The following SNAP47 variants were observed in gnomAD, a reference collection of about 807,000 sequenced individuals.
The protein encoded by SNAP47 is synaptosome associated protein 47.
SNAP47 carries 20 observed loss-of-function variants against 31.4 expected under a neutral mutation model. The ratio of observed to expected loss-of-function variants is 0.64; its 90% CI spans 0.45 to 0.93. The LOEUF (loss-of-function observed/expected upper bound fraction) is 0.93, where lower values mean the gene tolerates loss of function less well. Among genes scored for constraint, SNAP47 ranks in the 40% least tolerant of loss-of-function variants. The probability of loss-of-function intolerance (pLI) is 0.00; values close to 1 mark genes in which losing one functional copy is unlikely to be tolerated. For missense variants in SNAP47, 492 were observed against 528.5 expected (o/e 0.93, Z 0.68); for synonymous variants, 194 against 213.4 (o/e 0.91, Z 0.79).
intron 1 of SNAP47, among the ~76,000 whole-genome samples, chr1:227,737,790 G>A (rs893329844): frequency 2.0e-5 from 3 of 151,640 alleles, no homozygotes; most frequent in African/African-American, 7.3e-5. Flanking sequence ...TGAGGGCAGG[G>A]ACAGGAGGCG....
upstream of SNAP47, among the ~76,000 whole-genome samples, chr1:227,730,013 G>C (rs1481030205): frequency 6.6e-6 from 1 of 152,240 alleles, no homozygotes. Flanking sequence ...ACACTTGCAA[G>C]TATATCCATC....
At chr1:227,774,382 G>A (rs1459397370) in intron 4 of SNAP47, among the ~76,000 whole-genome samples, 1 of 151,788 alleles carries the variant, frequency 6.6e-6, no homozygotes, top group African/African-American at 2.4e-5. Flanking sequence ...GGATGAAAGA[G>A]CAATGCCGGA....
chr1:227,776,231 A>G (rs975645984), intron 4 of SNAP47: 308 of 1,071,420 alleles, frequency 2.9e-4, no homozygotes, highest in Non-Finnish European at 3.3e-4. Context: ...TCTCTTAGGA[A>G]CACTTCTATC....
Position 227,767,007 on chromosome 1 carries a change from A to G in SNAP47, c.1037A>G (p.Asp346Gly), listed in dbSNP as rs757167709. 2.5e-6 allele frequency: 4 copies of G among 1,613,862 alleles called. No individual in the cohort carries two copies. The African/African-American group carries it at 5.3e-5, about 22-fold the overall frequency. The change falls in exon 4 of 5, where the codon GAC becomes GGC. Residue 346 changes from aspartate (D) to glycine (G), a missense_variant. Asp to Gly is a moderately conservative substitution (Grantham distance 94, BLOSUM62 -1). Transcript: ENST00000617596. ...RTLHREPPAG[D>G]QEGTALHLQT... ...CTGCACCGTGAGCCACCCGCAGGAG[A>G]CCAGGAGGGCACAGCACTGCACCTG...
At chr1:227,734,060 G>A (rs1263261933), upstream of SNAP47, 3 of 1,606,054 alleles carry the variant, frequency 1.9e-6, no homozygotes, top group Non-Finnish European at 2.5e-6. Context: ...GGGCACCACC[G>A]ACAGCACGTG....
upstream of SNAP47, chr1:227,735,275 C>T (rs1011545160): frequency 1.9e-6 from 3 of 1,606,326 alleles, no homozygotes; most frequent in African/African-American, 1.3e-5. Context: ...GCGGTCCATC[C>T]AGCTCAGCAC....
At chr1:227,734,226 G>T, upstream of SNAP47, 2 of 619,604 alleles carry the variant, frequency 3.2e-6, 1 homozygote, top group South Asian at 4.1e-5. Flanking sequence ...GACTACAATG[G>T]TTCTGCTTAT....
chr1:227,763,053 C>T lies in SNAP47; in HGVS notation c.988+3568C>T, dbSNP rs1300055652. On this transcript the variant is annotated intron_variant, in intron 3 of 4. Transcript: ENST00000617596. This position sits in a 1 kb window ranked among gnomAD's most constrained non-coding sequence, Gnocchi z 4.2. ...CTCACTGTAACTTCAATCTCCTGGG[C>T]CCAAGACATCCTCCTGCCTTGGCCT... Among the ~76,000 whole-genome samples the T allele has an allele frequency of 6.6e-6, 1 of 152,058 alleles. No individual in the cohort carries two copies. The highest frequency in any genetic ancestry group is 1.5e-5 in the Non-Finnish European group (1 of 68,012).
chr1:227,740,007 G>C (rs1453903892), intron 1 of SNAP47, among the ~76,000 whole-genome samples: 1 of 152,268 alleles, frequency 6.6e-6, no homozygotes, highest in Non-Finnish European at 1.5e-5. Context: ...TGTGGTTGTG[G>C]TCAACTCAGC....
At chr1:227,732,568 C>A, upstream of SNAP47, 1 of 1,613,506 alleles carries the variant, frequency 6.2e-7, no homozygotes, top group South Asian at 1.1e-5. Context: ...AACCCAGCAC[C>A]GTCCTCAGCG....
upstream of SNAP47, chr1:227,732,690 A>T (rs1414401743): frequency 6.2e-7 from 1 of 1,611,160 alleles, no homozygotes; most frequent in Admixed American, 1.7e-5. Flanking sequence ...GGCAGAGGGA[A>T]GAGGCCAGTG....
chr1:227,760,664 C>A (rs1663002979), intron 3 of SNAP47, among the ~76,000 whole-genome samples: 1 of 152,208 alleles, frequency 6.6e-6, no homozygotes, highest in Non-Finnish European at 1.5e-5. Context: ...TTATTCTTGC[C>A]TTTACCCTTT....
At chr1:227,765,908 G>A (rs1663365036) in intron 3 of SNAP47, among the ~76,000 whole-genome samples, 1 of 152,160 alleles carries the variant, frequency 6.6e-6, no homozygotes, top group South Asian at 2.1e-4. Flanking sequence ...TGGCGGGGGT[G>A]GCATCTTGGA....
In SNAP47 at chr1:227,740,413, T is replaced by C. The variant is rs1194026932; in HGVS notation, c.-46+4914T>C. 5.3e-5 allele frequency among the ~76,000 whole-genome samples: 8 copies of C among 152,150 alleles called. No individual in the cohort carries two copies. The East Asian group carries it at 1.2e-3, about 22-fold the overall frequency. ...TGACTGCTGGAGGGGGAATGGGTGA[T>C]GGGGACAGGATGAGGTCAGGAGGTT... is the stretch of plus-strand genomic sequence containing the variant. On this transcript the variant is annotated intron_variant, in intron 1 of 4. Transcript: ENST00000617596.
At chr1:227,744,766 C>G (rs1486603230) in intron 1 of SNAP47, among the ~76,000 whole-genome samples, 2 of 152,200 alleles carry the variant, frequency 1.3e-5, no homozygotes, top group Non-Finnish European at 2.9e-5. Flanking sequence ...CCTGCCAGGC[C>G]AAGCTAGTGC....
At chr1:227,765,130 C>G (rs999685866) in intron 3 of SNAP47, among the ~76,000 whole-genome samples, 6 of 152,210 alleles carry the variant, frequency 3.9e-5, no homozygotes, top group Admixed American at 3.9e-4. Context: ...TCCTTCAGCT[C>G]CCAACACCCA....
upstream of SNAP47, chr1:227,733,283 T>G: frequency 2.9e-6 from 3 of 1,021,516 alleles, no homozygotes; most frequent in Non-Finnish European, 4.2e-6. Context: ...CGACACCACC[T>G]TGTGAAGGGG....
In SNAP47 at chr1:227,780,766, C is replaced by G; in HGVS notation, c.*93C>G. 6.5e-7 allele frequency: 1 copy of G among 1,543,756 alleles called. No homozygotes were observed. Among genetic ancestry groups the G allele is most frequent in the Admixed American group, 1.8e-5 (1 of 55,312 alleles). On this transcript the variant is annotated 3_prime_UTR_variant, in exon 5 of 5. Transcript: ENST00000617596. ...TGCCAGGGCTGCAGAGGCCTGTGGC[C>G]CTCCGGAGTGGTCTTCCTCTGGATG...
upstream of SNAP47, among the ~76,000 whole-genome samples, chr1:227,729,996 T>C (rs1247623509): frequency 6.6e-6 from 1 of 152,200 alleles, no homozygotes; most frequent in Non-Finnish European, 1.5e-5. Flanking sequence ...GCACAGCCAT[T>C]GTCCCCACAC....
Sources: allele counts gnomAD v4.1 joint callset (sites outside exome capture counted in the v4.1 genomes callset), GRCh38; gene constraint gnomAD v4.1.1; non-coding constraint Gnocchi (gnomAD v3.1); transcripts MANE v1.5; gene names NCBI Gene and HGNC (gene_info 2026-07-23, HGNC 2026-07-21).